The following TNKS variants were observed in gnomAD, a reference collection of about 807,000 sequenced individuals.
TNKS encodes the protein tankyrase, also known as poly [ADP-ribose] polymerase tankyrase-1.
Under a neutral mutation model 135.8 loss-of-function variants are expected in TNKS, and 72 were observed. That is an observed-to-expected ratio of 0.53 (90% CI 0.44 to 0.64). The LOEUF is 0.64. Ranked by LOEUF, TNKS falls within the 30% of genes least tolerant of loss-of-function variation. TNKS has a pLI of 0.00. For synonymous variants in TNKS, 849 were observed against 649.3 expected (o/e 1.31, Z -4.68); for missense variants, 1,769 against 1,674.0 (o/e 1.06, Z -0.99).
chr8:9,697,301 C>G (rs1281158803), intron 5 of TNKS, among the ~76,000 whole-genome samples: 1 of 152,056 alleles, frequency 6.6e-6, no homozygotes, highest in African/African-American at 2.4e-5. Flanking sequence ...AAAGTTAACT[C>G]AATATGGATT....
chr8:9,587,032 G>T (rs1040750043), intron 2 of TNKS, among the ~76,000 whole-genome samples: 1 of 152,094 alleles, frequency 6.6e-6, no homozygotes, highest in Non-Finnish European at 1.5e-5. Context: ...GGCAAATAAT[G>T]GTTGAAAGAT....
At chr8:9,680,529 T>C (rs991542256) in intron 4 of TNKS, among the ~76,000 whole-genome samples, 196 bp from the exon 5 acceptor site, 2 of 152,200 alleles carry the variant, frequency 1.3e-5, no homozygotes, top group African/African-American at 4.8e-5. Flanking sequence ...ATTTAAGATA[T>C]ACCACTATAG....
intron 3 of TNKS, among the ~76,000 whole-genome samples, chr8:9,663,384 G>A (rs561634214): frequency 1.3e-5 from 2 of 152,322 alleles, no homozygotes; most frequent in Middle Eastern, 3.4e-3. Context: ...AAACACGTGT[G>A]TGTATATGTA....
At chr8:9,571,460 GTTTTTTTCTTTT>G (rs1443461378) in intron 1 of TNKS, among the ~76,000 whole-genome samples, 11 of 152,006 alleles carry the variant, frequency 7.2e-5, no homozygotes, top group Non-Finnish European at 1.0e-4. Flanking sequence ...TTGATTCCAC[GTTTTTTTCTTTT>G]TTTGAGATGG....
At chr8:9,754,927 G>A (rs2128830083) in intron 20 of TNKS, among the ~76,000 whole-genome samples, 1 of 152,266 alleles carries the variant, frequency 6.6e-6, no homozygotes, top group South Asian at 2.1e-4. Context: ...TTCCCTAACT[G>A]AAGGTGTGAA....
At chr8:9,668,490 G>T (rs73664775) in intron 3 of TNKS, among the ~76,000 whole-genome samples, 11 of 152,278 alleles carry the variant, frequency 7.2e-5, no homozygotes, top group Non-Finnish European at 1.5e-4. Context: ...TATAATCTTA[G>T]AACAGGCTTG....
At chr8:9,603,329 A>G (rs1184467541) in intron 2 of TNKS, among the ~76,000 whole-genome samples, 2 of 140,406 alleles carry the variant, frequency 1.4e-5, no homozygotes, top group African/African-American at 5.5e-5. Context: ...TGCTGGGATT[A>G]CAGGCATGAG....
chr8:9,575,981 A>C (rs971420945), intron 1 of TNKS, among the ~76,000 whole-genome samples: 2 of 152,076 alleles, frequency 1.3e-5, no homozygotes, highest in Non-Finnish European at 2.9e-5. Flanking sequence ...AACGGTTGGG[A>C]GGAAGGGTGA....
At chr8:9,678,181 G>A (rs544708961) in intron 3 of TNKS, among the ~76,000 whole-genome samples, 3 of 152,234 alleles carry the variant, frequency 2.0e-5, no homozygotes, top group East Asian at 1.9e-4. Context: ...GTGACTCTAC[G>A]AAATTAATAC....
At chr8:9,680,536 A>G (rs1397190304) in intron 4 of TNKS, among the ~76,000 whole-genome samples, 189 bp from the exon 5 acceptor site, 1 of 152,354 alleles carries the variant, frequency 6.6e-6, no homozygotes, top group East Asian at 1.9e-4. Flanking sequence ...ATATACCACT[A>G]TAGGGTAATT....
intron 26 of TNKS, among the ~76,000 whole-genome samples, chr8:9,773,013 T>C (rs1381741585): frequency 1.3e-5 from 2 of 151,740 alleles, no homozygotes; most frequent in African/African-American, 4.8e-5. Context: ...TGCAACTTAC[T>C]TGTAAGTTGG....
intron 3 of TNKS, 62 bp from the exon 4 acceptor site, chr8:9,679,889 A>C: frequency 7.7e-7 from 1 of 1,296,940 alleles, no homozygotes; most frequent in East Asian, 2.3e-5. Context: ...TTTGCTGCCT[A>C]CTGCATTTCT....
chr8:9,661,836 T>C (rs543785274), intron 3 of TNKS, among the ~76,000 whole-genome samples: 16 of 152,208 alleles, frequency 1.1e-4, no homozygotes, highest in Non-Finnish European at 1.8e-4. Flanking sequence ...AACCTACTCA[T>C]CTGACAAAGG....
intron 3 of TNKS, among the ~76,000 whole-genome samples, chr8:9,637,447 C>CT (rs1318226211): frequency 3.3e-5 from 5 of 152,034 alleles, no homozygotes; most frequent in African/African-American, 7.3e-5. Context: ...AAAAAATACT[C>CT]TTTTTTCTCT....
At chr8:9,735,900 C>G (rs1437211752) in intron 17 of TNKS, among the ~76,000 whole-genome samples, 1 of 152,010 alleles carries the variant, frequency 6.6e-6, no homozygotes, top group Non-Finnish European at 1.5e-5. Context: ...AGATATCTAA[C>G]TAATAGCATG....
chr8:9,575,143 G>A, intron 1 of TNKS: 12 of 882,860 alleles, frequency 1.4e-5, no homozygotes, highest in Non-Finnish European at 1.5e-5. Context: ...CTGGAGTATA[G>A]GGGCGCGATC....
intron 17 of TNKS, among the ~76,000 whole-genome samples, chr8:9,741,389 T>G (rs558120803): frequency 1.3e-5 from 2 of 152,184 alleles, no homozygotes; most frequent in Non-Finnish European, 2.9e-5. Context: ...GTCAACTGTG[T>G]AGACTACAGT....
At chr8:9,693,631 C>T in intron 5 of TNKS, among the ~76,000 whole-genome samples, 1 of 151,844 alleles carries the variant, frequency 6.6e-6, no homozygotes, top group East Asian at 1.9e-4. Context: ...ATATACAATA[C>T]TTTATTTGTG....
At chr8:9,688,912 A>G (rs1327945907) in intron 5 of TNKS, among the ~76,000 whole-genome samples, 1 of 152,140 alleles carries the variant, frequency 6.6e-6, no homozygotes, top group Admixed American at 6.5e-5. Flanking sequence ...AAGTACTGGG[A>G]TTACAGGCGT....
Sources: gnomAD v4.1 joint callset for allele counts (sites outside exome capture counted in the v4.1 genomes callset) on GRCh38, gnomAD v4.1.1 for gene constraint, MANE v1.5 for transcripts, NCBI Gene and HGNC (gene_info 2026-07-23, HGNC 2026-07-21) for gene names.